INTS1: variants seen among roughly 807,000 people sequenced by gnomAD.
The protein encoded by INTS1 is integrator complex subunit 1.
INTS1 carries 137 observed loss-of-function variants against 241.6 expected under a neutral mutation model. The observed-to-expected ratio is 0.57, with a 90% CI of 0.49 to 0.65. The LOEUF (loss-of-function observed/expected upper bound fraction) is 0.65. Ranked by LOEUF, INTS1 falls within the 30% of genes least tolerant of loss-of-function variation. The pLI is 0.00. For synonymous variants in INTS1, 1,692 were observed against 1,337.8 expected (o/e 1.26, Z -5.78); for missense variants, 3,073 against 3,032.2 (o/e 1.01, Z -0.32).
chr7:1,492,212 C>T (rs189292958), intron 16 of INTS1, among the ~76,000 whole-genome samples: 6 of 152,316 alleles, frequency 3.9e-5, no homozygotes, highest in Non-Finnish European at 7.4e-5. Flanking sequence ...AGCAGGGGAG[C>T]GGAAGCAGCA....
At chr7:1,480,808 T>A in intron 29 of INTS1, 27 bp downstream of exon 29, 1 of 1,520,678 alleles carries the variant, frequency 6.6e-7, no homozygotes, top group Non-Finnish European at 8.9e-7. Context: ...GCTGGGTCTC[T>A]GTGCTGGCCC....
chr7:1,492,156 G>A (rs1010541495), intron 16 of INTS1, among the ~76,000 whole-genome samples: 2 of 152,090 alleles, frequency 1.3e-5, no homozygotes, highest in Admixed American at 6.5e-5. Context: ...CCGAAGACAC[G>A]GCCACACAGA....
chr7:1,482,591 T>G lies in INTS1; in HGVS notation c.3658A>C (p.Lys1220Gln). The change falls in exon 27 of 48, where the codon AAG becomes CAG. Residue 1220 changes from lysine (K) to glutamine (Q), a missense_variant. By Grantham distance (53) the Lys-to-Gln change is moderately conservative (BLOSUM62 1). Transcript: ENST00000404767. Reference protein sequence around the residue: ...EEALLLPDWLKLRMIRSEVLR... With the variant: ...EEALLLPDWLQLRMIRSEVLR... ...ACCTCAGAACGGATCATGCGCAGCT[T>G]CAGCCAGTCAGGAAGCAGCAGCGCC... 1 of 1,612,798 alleles carries G rather than the reference T, an allele frequency of 6.2e-7. No homozygotes were observed. The highest frequency in any genetic ancestry group is 8.5e-7 in the Non-Finnish European group (1 of 1,179,858).
At position 1,485,956 on chromosome 7, in the gene INTS1, G is replaced by A. The variant is rs543134384; in HGVS notation, c.2977-487C>T. Reference sequence around the variant, plus strand: ...CCACAGGTGCATGCTGCCACACCCAGCTCATTTTTCTCATCTTTTATTTTT... The same window carrying A: ...CCACAGGTGCATGCTGCCACACCCAACTCATTTTTCTCATCTTTTATTTTT... On this transcript the variant is annotated intron_variant, in intron 22 of 47. Coordinates refer to ENST00000404767, the MANE Select transcript of INTS1 (RefSeq NM_001080453.3). 1.1e-4 allele frequency among the ~76,000 whole-genome samples: 17 copies of A among 152,278 alleles called. No homozygotes were observed. In the East Asian group the frequency reaches 2.7e-3, roughly 24 times the overall value.
In INTS1 at chr7:1,483,267, C is replaced by A. The variant is rs371120636; in HGVS notation, c.3541+475G>T. ...CAGCCAGGAGTAAAGGGGAAGGCTG[C>A]GGCCGCAGAGGGCACGGCTGGGTAG... is the stretch of plus-strand genomic sequence containing the variant. On this transcript the variant is annotated intron_variant, in intron 26 of 47. Transcript: ENST00000404767. 1.7e-5 allele frequency: 4 copies of A among 235,388 alleles called. No individual in the cohort carries two copies. In the East Asian group the frequency reaches 3.1e-4, roughly 18 times the overall value. 14.6% of individuals were successfully genotyped at this position (235,388 alleles called of 1,614,324 possible). A position where few individuals can be genotyped will look rare whatever the true frequency, so the allele number is the denominator to read the frequency against.
chr7:1,492,907 C>T (rs1782644046), intron 16 of INTS1, 103 bp downstream of exon 16: 1 of 661,738 alleles, frequency 1.5e-6, no homozygotes, highest in African/African-American at 2.1e-5. Context: ...CGCAGGCTTA[C>T]CCGGGCGGGA....
chr7:1,494,461 T>C (rs1562513723), intron 14 of INTS1: 3 of 359,168 alleles, frequency 8.4e-6, no homozygotes, highest in Non-Finnish European at 1.1e-5. Flanking sequence ...GGAAGGACAG[T>C]GTGCGGCTGT....
chr7:1,495,616 C>T lies in INTS1; in HGVS notation c.1712-63G>A. The T allele has an allele frequency of 2.6e-6, 4 of 1,554,014 alleles. No homozygotes were observed. The South Asian group carries it at 4.7e-5, about 18-fold the overall frequency. ...ATGGGCCATGAGGGGCTAAGGCACC[C>T]CTGGGGGTCCAACTCAATGCTGGCA... On this transcript the variant is annotated intron_variant, in intron 12 of 47. Coordinates refer to ENST00000404767, the MANE Select transcript of INTS1 (RefSeq NM_001080453.3).
At chr7:1,482,404 A>G in intron 27 of INTS1, 142 bp downstream of exon 27, 1 of 757,736 alleles carries the variant, frequency 1.3e-6, no homozygotes, top group South Asian at 2.0e-5. Flanking sequence ...GCCAGGACAT[A>G]TGGTCTGCAG....
Position 1,493,649 on chromosome 7 carries a change from G to GC in INTS1, c.2068+104dup. On this transcript the variant is annotated intron_variant, in intron 15 of 47. Coordinates refer to ENST00000404767, the MANE Select transcript of INTS1 (RefSeq NM_001080453.3). The surrounding 1 kb of genome is among the most constrained non-coding windows in gnomAD (Gnocchi z 5.3). ...CCCGGGGACCCAGGACCCAGCTGAA[G>GC]CGCAGCTTTGTGGAGCGCCCCAGAG... 7.1e-7 allele frequency: 1 copy of GC among 1,408,424 alleles called. No homozygotes were observed. The highest frequency in any genetic ancestry group is 9.4e-7 in the Non-Finnish European group (1 of 1,066,988). 87.2% of individuals were successfully genotyped at this position (1,408,424 alleles called of 1,614,324 possible).
chr7:1,481,185 C>T lies in INTS1; in HGVS notation c.3850+157G>A. 1.1e-6 allele frequency: 1 copy of T among 890,222 alleles called. No homozygotes were observed. Among genetic ancestry groups the T allele is most frequent in the Non-Finnish European group, 1.8e-6 (1 of 558,912 alleles). 55.1% of individuals were successfully genotyped at this position (890,222 alleles called of 1,614,324 possible). On this transcript the variant is annotated intron_variant, in intron 28 of 47. Transcript: ENST00000404767. The surrounding 1 kb of genome is among the most constrained non-coding windows in gnomAD (Gnocchi z 6.8). ...CTCGGCTCCCTCCTGACTGTGCCAG[C>T]CTCACCAACCCACAGGTCTAAGCCT...
intron 6 of INTS1, 52 bp from the exon 7 acceptor site, chr7:1,499,412 C>T: frequency 6.5e-7 from 1 of 1,530,970 alleles, no homozygotes. Context: ...GCCCATCCTC[C>T]CACCCCTCCC....
chr7:1,482,637 G>A lies in INTS1; in HGVS notation c.3612C>T (p.Phe1204=), dbSNP rs554521617. ...GCGCCTCCTCCGATGTGTCCACCAG[G>A]AAGGCGGTGGGCAGTGGCTTCTCCT... The part of the protein sequence containing the change: ...FPEEKPLPTA[F]LVDTSEEALL... The change falls in exon 27 of 48, where the codon TTC becomes TTT. Residue 1204 remains phenylalanine, a synonymous_variant. Coordinates refer to ENST00000404767, the MANE Select transcript of INTS1 (RefSeq NM_001080453.3). 2 of 1,612,860 alleles carry A rather than the reference G, an allele frequency of 1.2e-6. No individual in the cohort carries two copies. The highest frequency in any genetic ancestry group is 1.7e-6 in the Non-Finnish European group (2 of 1,179,856).
chr7:1,483,920 A>C, intron 25 of INTS1, 67 bp from the exon 26 acceptor site: 2 of 1,586,504 alleles, frequency 1.3e-6, no homozygotes, highest in Non-Finnish European at 1.7e-6. Flanking sequence ...GAGGGTACCC[A>C]GCTGGCACCG....
Position 1,479,411 on chromosome 7 carries a change from G to A in INTS1, c.4329+19C>T. On this transcript the variant is annotated intron_variant, in intron 31 of 47. Transcript: ENST00000404767. ...CCCTCACTGCCCTCCTCCCCCGCAAGAGGCCCACGCCCAAGTACCTGGTAC... is the reference window on the plus strand; with the variant it reads ...CCCTCACTGCCCTCCTCCCCCGCAAAAGGCCCACGCCCAAGTACCTGGTAC... The A allele has an allele frequency of 6.4e-7, 1 of 1,560,096 alleles. No homozygotes were observed. Among genetic ancestry groups the A allele is most frequent in the Non-Finnish European group, 8.7e-7 (1 of 1,152,832 alleles).
In INTS1 at chr7:1,474,909, C is replaced by T. The variant is rs1562486256; in HGVS notation, c.5503-71G>A. ...CTTGCCCACCCACACTCAGCCTGGC[C>T]GCCAGCTGTGGCCGTGATCCACCGC... On this transcript the variant is annotated intron_variant, in intron 39 of 47. Coordinates refer to ENST00000404767, the MANE Select transcript of INTS1 (RefSeq NM_001080453.3). 4.6e-6 allele frequency: 7 copies of T among 1,512,570 alleles called. No homozygotes were observed. In the South Asian group the frequency reaches 6.2e-5, roughly 13 times the overall value. 93.7% of individuals were successfully genotyped at this position (1,512,570 alleles called of 1,614,324 possible).
chr7:1,470,541 G>T lies in INTS1; in HGVS notation c.*36C>A. ...CCTCGAGGATCCCCGGGGACGGGACGGGCCGGGGCTTGGAGGGGGGTCGGC... is the reference window on the plus strand; with the variant it reads ...CCTCGAGGATCCCCGGGGACGGGACTGGCCGGGGCTTGGAGGGGGGTCGGC... On this transcript the variant is annotated 3_prime_UTR_variant, in exon 48 of 48. Coordinates refer to ENST00000404767, the MANE Select transcript of INTS1 (RefSeq NM_001080453.3). The T allele has an allele frequency of 6.9e-7, 1 of 1,456,864 alleles. No homozygotes were observed. Among genetic ancestry groups the T allele is most frequent in the East Asian group, 2.5e-5 (1 of 40,238 alleles). The allele number at this position is 1,456,864 out of a possible 1,614,324, so 90.2% of individuals were successfully genotyped here.
chr7:1,493,641 C>G lies in INTS1; in HGVS notation c.2068+113G>C. The stretch of plus-strand genomic sequence containing the variant: ...CCGAGCCTCCCGGGGACCCAGGACC[C>G]AGCTGAAGCGCAGCTTTGTGGAGCG... On this transcript the variant is annotated intron_variant, in intron 15 of 47. Transcript: ENST00000404767. This position sits in a 1 kb window ranked among gnomAD's most constrained non-coding sequence, Gnocchi z 5.3. 2 of 1,383,346 alleles carry G rather than the reference C, an allele frequency of 1.4e-6. No homozygotes were observed. The highest frequency in any genetic ancestry group is 1.9e-6 in the Non-Finnish European group (2 of 1,047,312). 85.7% of individuals were successfully genotyped at this position (1,383,346 alleles called of 1,614,324 possible). A position where few individuals can be genotyped will look rare whatever the true frequency, so the allele number is the denominator to read the frequency against.
At chr7:1,478,034 G>C in intron 33 of INTS1, 98 bp from the exon 34 acceptor site, 1 of 1,007,642 alleles carries the variant, frequency 9.9e-7, no homozygotes, top group Admixed American at 1.8e-5. Context: ...GGGTGAGCAT[G>C]TGTGGGACAC....
Sources: gnomAD v4.1 joint callset for allele counts (sites outside exome capture counted in the v4.1 genomes callset) on GRCh38, gnomAD v4.1.1 for gene constraint, Gnocchi (gnomAD v3.1) non-coding constraint, MANE v1.5 for transcripts, NCBI Gene and HGNC (gene_info 2026-07-23, HGNC 2026-07-21) for gene names.